Variants in WDR41 observed in about 807,000 individuals in gnomAD.
The protein encoded by WDR41 is WD repeat-containing protein 41.
Under a neutral mutation model 69.3 loss-of-function variants are expected in WDR41, and 63 were observed. The ratio of observed to expected loss-of-function variants is 0.91; its 90% CI spans 0.74 to 1.12. The LOEUF (loss-of-function observed/expected upper bound fraction) is 1.12. WDR41 is among the 50% of genes most tolerant of loss of function. The pLI is 0.00. For synonymous variants in WDR41, 185 were observed against 192.1 expected, an observed-to-expected ratio of 0.96 and a Z score of 0.31; for missense variants, 543 against 534.5, an observed-to-expected ratio of 1.02 and a Z score of -0.16.
At chr5:77,480,123 G>A (rs1801152639) in intron 2 of WDR41, 1 of 152,068 alleles carries the variant, frequency 6.6e-6, no homozygotes, top group African/African-American at 2.4e-5. Flanking sequence ...ACCACAATGA[G>A]ATATCATCTC....
chr5:77,551,980 AAAAAT>A (rs57749416), intron 1 of WDR41, among the ~76,000 whole-genome samples: 7,021 of 93,090 alleles, frequency 0.075, 144 homozygotes, highest in Non-Finnish European at 0.09. Flanking sequence ...CTCTGTCTCA[AAAAAT>A]AAAATAAAAT....
chr5:77,462,855 A>G (rs1276995095), intron 4 of WDR41, among the ~76,000 whole-genome samples: 2 of 152,232 alleles, frequency 1.3e-5, no homozygotes, highest in Non-Finnish European at 2.9e-5. Context: ...CTGATAGAGT[A>G]ACTCTGGAAA....
rs185098460 is a variant in WDR41, at chr5:77,453,806, A to T, written c.523+11T>A. 4.8e-5 allele frequency: 77 copies of T among 1,601,326 alleles called. No individual in the cohort carries two copies. The African/African-American group carries it at 7.0e-4, about 14-fold the overall frequency. The stretch of plus-strand genomic sequence containing the variant: ...TCAATCATAGTTCAAAATTACCTTG[A>T]TGTTTTTTACCTGTATCAGAAAGGT... On this transcript the variant is annotated intron_variant, in intron 6 of 12. Transcript: ENST00000296679.
In WDR41 at chr5:77,575,665, C is replaced by A. The variant is rs145207187; in HGVS notation, c.42+44814G>T. Among the ~76,000 whole-genome samples, 13 of 152,276 alleles carry A rather than the reference C, an allele frequency of 8.5e-5. No homozygotes were observed. The East Asian group carries it at 2.3e-3, about 27-fold the overall frequency. On this transcript the variant is annotated intron_variant, in intron 1 of 5. Coordinates refer to the WDR41 transcript ENST00000509971. ...GAGTCCGTGATACTAATTGTGCAAC[C>A]TGTTCACCCCCAGCATACAGGAAAA...
chr5:77,553,329 G>A (rs560503712), intron 1 of WDR41, among the ~76,000 whole-genome samples: 13 of 152,250 alleles, frequency 8.5e-5, no homozygotes, highest in Non-Finnish European at 1.8e-4. Flanking sequence ...CTCTTGAGGG[G>A]ACAAATGCTG....
chr5:77,436,262 T>C lies in WDR41; in HGVS notation c.1226A>G (p.Glu409Gly). The change falls in exon 12 of 13, where the codon GAG becomes GGG. Residue 409 changes from glutamate (E) to glycine (G), a missense_variant and splice_region_variant. Physicochemically the swap from Glu to Gly is moderately conservative, Grantham distance 98. Coordinates refer to ENST00000296679, the MANE Select transcript of WDR41 (RefSeq NM_018268.4). The part of the protein sequence containing the change: ...GDLIGHSSSV[E>G]MFLYFEDHGL... ...CATTCTGTGGCTAAACAGCAATACC[T>C]CCACAGATGATGAGTGTCCAATCAA... The C allele has an allele frequency of 6.2e-7, 1 of 1,612,464 alleles. No individual in the cohort carries two copies.
chr5:77,595,745 A>G (rs1382526273), intron 1 of WDR41, among the ~76,000 whole-genome samples: 1 of 152,174 alleles, frequency 6.6e-6, no homozygotes, highest in Non-Finnish European at 1.5e-5. Flanking sequence ...GAAACTAATG[A>G]TTATATTTAT....
rs146114131 is a variant in WDR41, at chr5:77,542,314, G to T, written c.43-52742C>A. On this transcript the variant is annotated intron_variant, in intron 1 of 5. Coordinates refer to the WDR41 transcript ENST00000509971. ...AGGAGGGAGAGCATCAGGAAAAATA[G>T]CTAATGGGTGCTGGGCTTAATACGT... Among the ~76,000 whole-genome samples the T allele has an allele frequency of 1.5e-3, 223 of 152,224 alleles. 2 individuals are homozygous for T. The highest frequency in any genetic ancestry group is 5.2e-3 in the African/African-American group (214 of 41,542).
intron 2 of WDR41, among the ~76,000 whole-genome samples, chr5:77,477,557 C>G (rs1258354469): frequency 2.3e-5 from 2 of 87,376 alleles, no homozygotes; most frequent in Non-Finnish European, 3.9e-5. Context: ...AACTGAACAA[C>G]CTGCTCCTGA....
At chr5:77,522,868 C>G (rs1320748096) in intron 1 of WDR41, among the ~76,000 whole-genome samples, 3 of 152,018 alleles carry the variant, frequency 2.0e-5, no homozygotes, top group African/African-American at 7.2e-5. Context: ...TCAGTAAAAA[C>G]AACACGGGAT....
At chr5:77,451,203 C>T (rs2151304789) in intron 7 of WDR41, 88 bp downstream of exon 7, 1 of 1,248,744 alleles carries the variant, frequency 8.0e-7, no homozygotes, top group Non-Finnish European at 1.2e-6. Context: ...CACGCAATGT[C>T]CCTTAAATAA....
Position 77,476,914 on chromosome 5 carries a change from G to C in WDR41, c.168-12105C>G, listed in dbSNP as rs1348761319. ...AAGAGTCAAGACCCATCAGTGTGCT[G>C]TATTCAGGAAATCCATCTCACGTGC... On this transcript the variant is annotated intron_variant, in intron 2 of 12. Coordinates refer to ENST00000296679, the MANE Select transcript of WDR41 (RefSeq NM_018268.4). 4.6e-3 allele frequency among the ~76,000 whole-genome samples: 647 copies of C among 141,484 alleles called. 6 individuals carry two copies. Among genetic ancestry groups the C allele is most frequent in the African/African-American group, 0.018 (622 of 34,950 alleles). The allele number at this position is 141,484 out of a possible 152,430, so 92.8% of individuals were successfully genotyped here.
chr5:77,554,630 TAATATA>T (rs978567897), intron 1 of WDR41, among the ~76,000 whole-genome samples: 3 of 149,344 alleles, frequency 2.0e-5, no homozygotes, highest in Admixed American at 6.7e-5. Flanking sequence ...TTATAATTTA[TAATATA>T]TAGTATAATT....
chr5:77,604,276 T>C (rs1030518358), intron 1 of WDR41, among the ~76,000 whole-genome samples: 1 of 152,228 alleles, frequency 6.6e-6, no homozygotes, highest in Admixed American at 6.5e-5. Flanking sequence ...GTTTTCCCTG[T>C]AGAGGTCTTT....
Position 77,433,303 on chromosome 5 carries a change from A to C in WDR41, c.1228-16T>G, listed in dbSNP as rs1483584564. Reference sequence around the variant, plus strand: ...ATAGAAACATCTGTAAAGAAAATTAAAACTGATTATAGGGACCCCGAAAAG... The same window carrying C: ...ATAGAAACATCTGTAAAGAAAATTACAACTGATTATAGGGACCCCGAAAAG... On this transcript the variant is annotated splice_polypyrimidine_tract_variant and intron_variant, in intron 12 of 12. Coordinates refer to ENST00000296679, the MANE Select transcript of WDR41 (RefSeq NM_018268.4). The C allele has an allele frequency of 6.2e-7, 1 of 1,607,776 alleles. No individual in the cohort carries two copies. The highest frequency in any genetic ancestry group is 8.5e-7 in the Non-Finnish European group (1 of 1,177,994).
intron 9 of WDR41, 50 bp downstream of exon 9, chr5:77,440,763 G>A: frequency 6.4e-6 from 10 of 1,554,418 alleles, no homozygotes; most frequent in Non-Finnish European, 7.9e-6. Context: ...ATCAGAAATT[G>A]GGTTATATAT....
Position 77,440,879 on chromosome 5 carries a change from T to A in WDR41, c.816A>T (p.Gln272His). 1.2e-6 allele frequency: 2 copies of A among 1,614,232 alleles called. No individual in the cohort carries two copies. The highest frequency in any genetic ancestry group is 3.3e-4 in the Middle Eastern group (2 of 6,062). ...ATTTTTGACAGAGTTTTATTTCTTG[T>A]TGGGTGTCCAGTTGTGGAGATGGGT... Reference protein sequence around the residue: ...FWDPSPQLDTQQEIKLCQKSN... With the variant: ...FWDPSPQLDTHQEIKLCQKSN... The change falls in exon 9 of 13, where the codon CAA becomes CAT. Residue 272 changes from glutamine to histidine, a missense_variant. Physicochemically the swap from Gln to His is conservative, Grantham distance 24. Coordinates refer to ENST00000296679, the MANE Select transcript of WDR41 (RefSeq NM_018268.4).
chr5:77,584,872 AGAT>A lies in WDR41; in HGVS notation c.42+35604_42+35606del, dbSNP rs755787599. Among the ~76,000 whole-genome samples the A allele has an allele frequency of 2.4e-4, 36 of 152,344 alleles. No homozygotes were observed. The Middle Eastern group carries it at 0.01, about 43-fold the overall frequency. On this transcript the variant is annotated intron_variant, in intron 1 of 5. Coordinates refer to the WDR41 transcript ENST00000509971. ...TAAGACCTGAAACTATAAAAATTCT[AGAT>A]GATAACATTGGAAAAACCCTTCTAG... is the stretch of plus-strand genomic sequence containing the variant.
At chr5:77,444,131 C>T (rs1799283695) in intron 8 of WDR41, among the ~76,000 whole-genome samples, 1 of 151,582 alleles carries the variant, frequency 6.6e-6, no homozygotes, top group African/African-American at 2.4e-5. Context: ...CCACCCACCT[C>T]AAGCTCCCAA....
Sources: gnomAD v4.1 joint callset for allele counts (sites outside exome capture counted in the v4.1 genomes callset) on GRCh38, gnomAD v4.1.1 for gene constraint, MANE v1.5 for transcripts, NCBI Gene and HGNC (gene_info 2026-07-23, HGNC 2026-07-21) for gene names.